The following SPOCK1 variants were observed in gnomAD, a reference collection of about 807,000 sequenced individuals.
The protein encoded by SPOCK1 is SPARC (osteonectin), cwcv and kazal like domains proteoglycan 1, also known as testican-1.
Under a neutral mutation model 55.3 loss-of-function variants are expected in SPOCK1, and 23 were observed. The ratio of observed to expected loss-of-function variants is 0.42; its 90% confidence interval spans 0.30 to 0.59. The LOEUF is 0.59. Among genes scored for constraint, SPOCK1 ranks in the 20% least tolerant of loss-of-function variants. The pLI, the probability that SPOCK1 is intolerant of heterozygous loss-of-function variation, is 0.22. For missense variants in SPOCK1, 499 were observed against 552.5 expected, an observed-to-expected ratio of 0.90 and a Z score of 0.97; for synonymous variants, 226 against 221.0, an observed-to-expected ratio of 1.02 and a Z score of -0.20.
chr5:137,109,041 C>T (rs1753416696), intron 5 of SPOCK1, among the ~76,000 whole-genome samples: 1 of 152,172 alleles, frequency 6.6e-6, no homozygotes, highest in East Asian at 1.9e-4. Flanking sequence ...TCACAGGGAG[C>T]TGGCATTTTA....
intron 2 of SPOCK1, among the ~76,000 whole-genome samples, chr5:137,380,443 C>T (rs1197324079): frequency 6.6e-6 from 1 of 152,174 alleles, no homozygotes; most frequent in Non-Finnish European, 1.5e-5. Flanking sequence ...AAGAGGAATG[C>T]TGTATCAGTC....
chr5:137,069,837 G>C (rs777289859), intron 5 of SPOCK1, among the ~76,000 whole-genome samples: 1 of 152,168 alleles, frequency 6.6e-6, no homozygotes, highest in Non-Finnish European at 1.5e-5. Context: ...GTGTCCATTT[G>C]TTTCATAAAG....
At chr5:137,150,567 G>T (rs534184939) in intron 3 of SPOCK1, among the ~76,000 whole-genome samples, 1 of 152,150 alleles carries the variant, frequency 6.6e-6, no homozygotes, top group Non-Finnish European at 1.5e-5. Context: ...AAAAAGAAGA[G>T]CTTGGTTAGG....
intron 3 of SPOCK1, among the ~76,000 whole-genome samples, chr5:137,218,834 A>G (rs1314700805): frequency 6.6e-6 from 1 of 152,138 alleles, no homozygotes; most frequent in Non-Finnish European, 1.5e-5. Flanking sequence ...ATACCAGACA[A>G]TACCACCAAA....
intron 2 of SPOCK1, among the ~76,000 whole-genome samples, chr5:137,361,818 T>C (rs1750952223): frequency 1.3e-5 from 2 of 152,142 alleles, no homozygotes; most frequent in South Asian, 2.1e-4. Context: ...TTTTCACCTA[T>C]AAAAACAGGG....
chr5:137,456,951 C>G (rs898838578), intron 2 of SPOCK1, among the ~76,000 whole-genome samples: 1 of 152,164 alleles, frequency 6.6e-6, no homozygotes, highest in South Asian at 2.1e-4. Flanking sequence ...ACCTTTGTTT[C>G]AAGAAACTAT....
chr5:137,041,482 A>G (rs1751997607), intron 6 of SPOCK1, among the ~76,000 whole-genome samples: 1 of 152,200 alleles, frequency 6.6e-6, no homozygotes. Flanking sequence ...TATTAAAATT[A>G]AAAACTTATA....
chr5:137,106,868 C>T (rs2127028942), intron 5 of SPOCK1, among the ~76,000 whole-genome samples: 1 of 152,214 alleles, frequency 6.6e-6, no homozygotes, highest in Middle Eastern at 3.4e-3. Flanking sequence ...AGCTAGTGAA[C>T]CCCTTTCCCT....
At chr5:137,113,056 T>C (rs1753506904) in intron 4 of SPOCK1, among the ~76,000 whole-genome samples, 1 of 152,174 alleles carries the variant, frequency 6.6e-6, no homozygotes, top group African/African-American at 2.4e-5. Context: ...TTATCACAGC[T>C]GTAGAAAACT....
chr5:137,440,698 C>T (rs1752982647), intron 2 of SPOCK1, among the ~76,000 whole-genome samples: 1 of 152,116 alleles, frequency 6.6e-6, no homozygotes, highest in African/African-American at 2.4e-5. Context: ...TGATTTGGTT[C>T]CCTGGAAGTT....
intron 6 of SPOCK1, among the ~76,000 whole-genome samples, chr5:137,022,014 G>C (rs1314222173): frequency 1.3e-5 from 2 of 152,056 alleles, no homozygotes; most frequent in Non-Finnish European, 2.9e-5. Flanking sequence ...TGCGACCTTG[G>C]CACACTTGCT....
chr5:137,083,325 G>A (rs1354008428), intron 5 of SPOCK1, among the ~76,000 whole-genome samples: 5 of 152,200 alleles, frequency 3.3e-5, no homozygotes, highest in East Asian at 1.9e-4. Context: ...GAGCAGCAGA[G>A]TGGCGGAAGC....
intron 6 of SPOCK1, among the ~76,000 whole-genome samples, chr5:136,996,220 G>T (rs1340562072): frequency 3.3e-5 from 5 of 152,116 alleles, no homozygotes; most frequent in Non-Finnish European, 5.9e-5. Context: ...ACATTCCTAG[G>T]GAAAAGTAAT....
chr5:137,006,021 G>T (rs929347666), intron 6 of SPOCK1, among the ~76,000 whole-genome samples: 1 of 152,174 alleles, frequency 6.6e-6, no homozygotes, highest in Non-Finnish European at 1.5e-5. Flanking sequence ...TTGTAGATGT[G>T]TGGTGTTATT....
intron 6 of SPOCK1, among the ~76,000 whole-genome samples, chr5:137,016,208 C>T (rs1362172416): frequency 1.3e-5 from 2 of 152,188 alleles, no homozygotes; most frequent in East Asian, 3.9e-4. Context: ...ATGAACATCC[C>T]TCCCAAACTG....
intron 3 of SPOCK1, among the ~76,000 whole-genome samples, chr5:137,208,208 G>A (rs1445356448): frequency 1.3e-5 from 2 of 152,106 alleles, no homozygotes; most frequent in African/African-American, 2.4e-5. Context: ...ACAAAAAAAG[G>A]CTGGCAATTA....
chr5:137,158,327 G>T (rs1047921363), intron 3 of SPOCK1, among the ~76,000 whole-genome samples: 2 of 152,136 alleles, frequency 1.3e-5, no homozygotes, highest in African/African-American at 4.8e-5. Flanking sequence ...TTCCAACCTG[G>T]GGTTTTCCAG....
chr5:137,443,489 C>T (rs1195742257), intron 2 of SPOCK1, among the ~76,000 whole-genome samples: 1 of 152,166 alleles, frequency 6.6e-6, no homozygotes, highest in Non-Finnish European at 1.5e-5. Flanking sequence ...CCAGTTCTCA[C>T]CCACAACCGA....
At chr5:137,161,144 A>G (rs1027328119) in intron 3 of SPOCK1, among the ~76,000 whole-genome samples, 1 of 147,824 alleles carries the variant, frequency 6.8e-6, no homozygotes, top group African/African-American at 2.5e-5. Flanking sequence ...GAGTATATAT[A>G]TCTCTAATAT....
Sources: gnomAD v4.1 joint callset for allele counts (sites outside exome capture counted in the v4.1 genomes callset) on GRCh38, gnomAD v4.1.1 for gene constraint, MANE v1.5 for transcripts, NCBI Gene and HGNC (gene_info 2026-07-23, HGNC 2026-07-21) for gene names.